Variants in SETBP1 observed in about 807,000 individuals in gnomAD.
SETBP1 encodes SET binding protein 1.
A neutral mutation model predicts 101.0 loss-of-function variants in SETBP1; 9 were observed. The observed-to-expected ratio is 0.09, with a 90% CI of 0.05 to 0.16. SETBP1 has a LOEUF of 0.16. SETBP1 is among the 10% of genes least tolerant of loss of function. The probability of loss-of-function intolerance (pLI) is 1.00; values close to 1 mark genes in which losing one functional copy is unlikely to be tolerated. For missense variants in SETBP1, 1,858 were observed against 2,033.8 expected, an observed-to-expected ratio of 0.91 and a Z score of 1.66; for synonymous variants, 818 against 788.5, an observed-to-expected ratio of 1.04 and a Z score of -0.63.
At chr18:44,833,726 G>A (rs950092220) in intron 2 of SETBP1, among the ~76,000 whole-genome samples, 9 of 152,158 alleles carry the variant, frequency 5.9e-5, no homozygotes, top group African/African-American at 2.2e-4. Context: ...TGCATTTCCT[G>A]GCTCAGAAAT....
chr18:44,889,498 G>C (rs1394278221), intron 3 of SETBP1, among the ~76,000 whole-genome samples: 1 of 152,110 alleles, frequency 6.6e-6, no homozygotes, highest in Non-Finnish European at 1.5e-5. Flanking sequence ...AAGAAATACT[G>C]TCTTTGGATG....
At chr18:44,693,905 A>G (rs190761186) in intron 1 of SETBP1, among the ~76,000 whole-genome samples, 13 of 152,320 alleles carry the variant, frequency 8.5e-5, no homozygotes, top group East Asian at 1.9e-4. Flanking sequence ...CTCAAAGACT[A>G]TAGCTCTCAG....
chr18:44,952,545 T>C lies in SETBP1; in HGVS notation c.3205T>C (p.Tyr1069His). The part of the protein sequence containing the change: ...PMMNLGYYGQ[Y>H]PAPLYLSHTL... ...GATGAACCTTGGTTATTACGGTCAG[T>C]ACCCAGCTCCTTTGTACCTATCGCA... The change falls in exon 4 of 6, where the codon TAC (tyrosine) becomes CAC (histidine). Residue 1069 changes from tyrosine (Y) to histidine (H), a missense_variant. Transcript: ENST00000649279. 6.2e-7 allele frequency: 1 copy of C among 1,614,164 alleles called. No individual in the cohort carries two copies. Among genetic ancestry groups the C allele is most frequent in the Non-Finnish European group, 8.5e-7 (1 of 1,180,012 alleles).
chr18:44,891,821 C>A (rs1015446330), intron 3 of SETBP1, among the ~76,000 whole-genome samples: 6 of 152,094 alleles, frequency 3.9e-5, no homozygotes, highest in African/African-American at 1.2e-4. Context: ...TTTTTTTCCT[C>A]TTTAGGTCAC....
chr18:44,885,019 C>T (rs684656), intron 3 of SETBP1, among the ~76,000 whole-genome samples: 81,055 of 151,920 alleles, frequency 0.53, 21,766 homozygotes, highest in Non-Finnish European at 0.55. Flanking sequence ...TTTTAGAATA[C>T]AGTCTTTAGA....
chr18:44,839,082 A>T (rs1261116739), intron 2 of SETBP1, among the ~76,000 whole-genome samples: 2 of 152,206 alleles, frequency 1.3e-5, no homozygotes, highest in African/African-American at 4.8e-5. Flanking sequence ...TTAAAAAAAA[A>T]AAAAACCCAG....
chr18:44,904,222 G>T (rs2070118481), intron 3 of SETBP1, among the ~76,000 whole-genome samples: 2 of 152,158 alleles, frequency 1.3e-5, no homozygotes, highest in South Asian at 4.1e-4. Context: ...AGGGCAAAAT[G>T]AATTACTCCT....
At chr18:44,773,838 ATGTGTGTGTG>A (rs61649185) in intron 2 of SETBP1, among the ~76,000 whole-genome samples, 21 of 134,174 alleles carry the variant, frequency 1.6e-4, no homozygotes, top group South Asian at 1.5e-3. Context: ...CTCTCTGTTT[ATGTGTGTGTG>A]TGTGTGTGTG....
chr18:44,721,896 G>T (rs1324391535), intron 2 of SETBP1, among the ~76,000 whole-genome samples: 1 of 152,178 alleles, frequency 6.6e-6, no homozygotes, highest in African/African-American at 2.4e-5. Flanking sequence ...GCCATCTGTG[G>T]TCACTTGCAA....
chr18:44,774,929 C>G (rs1430308418), intron 2 of SETBP1, among the ~76,000 whole-genome samples: 3 of 147,586 alleles, frequency 2.0e-5, no homozygotes, highest in African/African-American at 7.5e-5. Context: ...TTTTCTTTTT[C>G]CTTAGTCAGA....
intron 2 of SETBP1, among the ~76,000 whole-genome samples, chr18:44,868,886 A>G (rs569796218): frequency 2.0e-5 from 3 of 152,286 alleles, no homozygotes; most frequent in Non-Finnish European, 4.4e-5. Flanking sequence ...AAATATATAC[A>G]TCTATAGATT....
At chr18:44,707,414 T>G (rs1253271872) in intron 2 of SETBP1, among the ~76,000 whole-genome samples, 1 of 152,234 alleles carries the variant, frequency 6.6e-6, no homozygotes, top group Non-Finnish European at 1.5e-5. Flanking sequence ...AAATACAACT[T>G]CTATTTCATT....
At chr18:44,995,988 AT>A (rs1288169598) in intron 4 of SETBP1, among the ~76,000 whole-genome samples, 1 of 152,140 alleles carries the variant, frequency 6.6e-6, no homozygotes, top group Non-Finnish European at 1.5e-5. Context: ...TTGAACTGAT[AT>A]TTTTTAGGAA....
At chr18:44,806,978 A>G (rs1380860491) in intron 2 of SETBP1, among the ~76,000 whole-genome samples, 1 of 152,064 alleles carries the variant, frequency 6.6e-6, no homozygotes, top group East Asian at 1.9e-4. Context: ...CTTCCATTTC[A>G]GGATTCCATT....
In SETBP1 at chr18:44,930,823, C is replaced by T. The variant is rs554680083; in HGVS notation, c.541-19058C>T. 2.6e-5 allele frequency among the ~76,000 whole-genome samples: 4 copies of T among 151,386 alleles called. No homozygotes were observed. In the South Asian group the frequency reaches 8.3e-4, roughly 32 times the overall value. ...TTTATTGTGTCTATTTGAGTCTTCT[C>T]TCTTTTCTTCTTTATTAGTCTTGCT... On this transcript the variant is annotated intron_variant, in intron 3 of 5. Coordinates refer to ENST00000649279, the MANE Select transcript of SETBP1 (RefSeq NM_015559.3).
intron 3 of SETBP1, among the ~76,000 whole-genome samples, chr18:44,930,960 T>C (rs1185493312): frequency 6.6e-6 from 1 of 152,194 alleles, no homozygotes. Flanking sequence ...CTGATCTTAG[T>C]TATTTCTTGC....
chr18:44,860,209 C>A (rs1461225189), intron 2 of SETBP1, among the ~76,000 whole-genome samples: 7 of 152,134 alleles, frequency 4.6e-5, no homozygotes, highest in African/African-American at 1.7e-4. Context: ...TCCCTCAGCA[C>A]CCAGCTTTGC....
At chr18:44,876,644 A>G in intron 3 of SETBP1, 1 of 1,551,684 alleles carries the variant, frequency 6.4e-7, no homozygotes, top group Non-Finnish European at 8.7e-7. Context: ...TTCCTGTCCC[A>G]GGAACGTGCC....
At chr18:44,995,852 A>G (rs900477636) in intron 4 of SETBP1, among the ~76,000 whole-genome samples, 3 of 152,190 alleles carry the variant, frequency 2.0e-5, no homozygotes, top group African/African-American at 7.2e-5. Flanking sequence ...GCATTAATCC[A>G]TTCATGAGGG....
Sources: allele counts gnomAD v4.1 joint callset (sites outside exome capture counted in the v4.1 genomes callset), GRCh38; gene constraint gnomAD v4.1.1; transcripts MANE v1.5; gene names NCBI Gene and HGNC (gene_info 2026-07-23, HGNC 2026-07-21).